Variants in CHRM3 observed in about 807,000 individuals in gnomAD.
The protein encoded by CHRM3 is muscarinic acetylcholine receptor M3.
A neutral mutation model predicts 41.8 loss-of-function variants in CHRM3; 11 were observed. The observed-to-expected ratio is 0.26, with a 90% CI of 0.17 to 0.44. The LOEUF is 0.44. Ranked by LOEUF, CHRM3 falls within the 20% of genes least tolerant of loss-of-function variation. The pLI, the probability that CHRM3 is intolerant of heterozygous loss-of-function variation, is 1.00. For synonymous variants in CHRM3, 297 were observed against 301.4 expected, an observed-to-expected ratio of 0.99 and a Z score of 0.15; for missense variants, 571 against 745.4, an observed-to-expected ratio of 0.77 and a Z score of 2.72.
intron 3 of CHRM3, among the ~76,000 whole-genome samples, chr1:239,585,522 G>A: frequency 6.6e-6 from 1 of 152,146 alleles, no homozygotes; most frequent in East Asian, 1.9e-4. Context: ...CTTTAATCAT[G>A]TTGTCATAAA....
At chr1:239,645,992 A>C in intron 4 of CHRM3, among the ~76,000 whole-genome samples, 1 of 152,198 alleles carries the variant, frequency 6.6e-6, no homozygotes, top group East Asian at 1.9e-4. Flanking sequence ...AAAGCATAAC[A>C]TTTGTACTAA....
intron 5 of CHRM3, among the ~76,000 whole-genome samples, chr1:239,805,468 A>G (rs1196978140): frequency 1.3e-5 from 2 of 152,200 alleles, no homozygotes; most frequent in East Asian, 3.9e-4. Context: ...TATTATACAT[A>G]GACAAGTGGA....
intron 5 of CHRM3, among the ~76,000 whole-genome samples, chr1:239,752,536 A>G (rs1212926172): frequency 1.3e-5 from 2 of 152,224 alleles, no homozygotes; most frequent in African/African-American, 4.8e-5. Context: ...ATAGAATTAC[A>G]TAATATTAGC....
intron 5 of CHRM3, among the ~76,000 whole-genome samples, chr1:239,740,556 C>T (rs1003262199): frequency 8.6e-5 from 13 of 151,780 alleles, no homozygotes; most frequent in African/African-American, 3.1e-4. Flanking sequence ...CACCGATCAA[C>T]CCATCATCTA....
intron 4 of CHRM3, among the ~76,000 whole-genome samples, chr1:239,660,465 A>G: frequency 6.6e-6 from 1 of 152,188 alleles, no homozygotes; most frequent in East Asian, 1.9e-4. Context: ...GCTTCCACAG[A>G]CCGTATAAGT....
chr1:239,551,081 C>G (rs961338493), intron 3 of CHRM3, among the ~76,000 whole-genome samples: 20 of 147,834 alleles, frequency 1.4e-4, no homozygotes, highest in African/African-American at 4.8e-4. Flanking sequence ...TTCATATGAC[C>G]AAGGAAGTCC....
chr1:239,501,373 A>T (rs1481433017), intron 2 of CHRM3, among the ~76,000 whole-genome samples: 1 of 152,252 alleles, frequency 6.6e-6, no homozygotes, highest in African/African-American at 2.4e-5. Context: ...ACCATATGAT[A>T]GGCTATAAAA....
chr1:239,521,941 C>T (rs1669674234), intron 2 of CHRM3, among the ~76,000 whole-genome samples: 1 of 152,152 alleles, frequency 6.6e-6, no homozygotes. Flanking sequence ...ATATAAGGGA[C>T]ATGAGCATCC....
At chr1:239,428,997 G>C (rs1346435714) in intron 1 of CHRM3, among the ~76,000 whole-genome samples, 1 of 152,108 alleles carries the variant, frequency 6.6e-6, no homozygotes, top group African/African-American at 2.4e-5. Flanking sequence ...TTCACTTTTA[G>C]AAATATACAC....
chr1:239,568,334 G>C (rs1171137380), intron 3 of CHRM3, among the ~76,000 whole-genome samples: 1 of 152,074 alleles, frequency 6.6e-6, no homozygotes, highest in Non-Finnish European at 1.5e-5. Context: ...TACTATTCTT[G>C]TCTTAGTGAG....
At chr1:239,867,921 G>T (rs963566053) in intron 6 of CHRM3, among the ~76,000 whole-genome samples, 1 of 152,082 alleles carries the variant, frequency 6.6e-6, no homozygotes, top group Admixed American at 6.5e-5. Flanking sequence ...GATTTCTCCT[G>T]ATGATCAGTA....
chr1:239,425,753 G>C (rs1662320481), intron 1 of CHRM3, among the ~76,000 whole-genome samples: 1 of 151,990 alleles, frequency 6.6e-6, no homozygotes, highest in Non-Finnish European at 1.5e-5. Context: ...GATGCCCCTG[G>C]ATTTCTTTAT....
chr1:239,539,609 T>C (rs1286555914), intron 2 of CHRM3, among the ~76,000 whole-genome samples: 11 of 152,184 alleles, frequency 7.2e-5, no homozygotes, highest in Admixed American at 7.2e-4. Context: ...TCTTCTAAGA[T>C]TATACTACTA....
chr1:239,700,073 TC>T (rs1261686532), intron 5 of CHRM3, among the ~76,000 whole-genome samples: 1 of 152,144 alleles, frequency 6.6e-6, no homozygotes, highest in African/African-American at 2.4e-5. Context: ...TAATTTTTTT[TC>T]ATGGAAGAAA....
chr1:239,766,440 G>T (rs1427037785), intron 5 of CHRM3, among the ~76,000 whole-genome samples: 1 of 150,660 alleles, frequency 6.6e-6, no homozygotes, highest in Non-Finnish European at 1.5e-5. Flanking sequence ...CTTAATACCT[G>T]CATGATGAAA....
At chr1:239,582,768 G>C (rs1663017348) in intron 3 of CHRM3, among the ~76,000 whole-genome samples, 1 of 152,064 alleles carries the variant, frequency 6.6e-6, no homozygotes, top group Admixed American at 6.6e-5. Flanking sequence ...CCCTACAGAA[G>C]GCATTCTTCA....
intron 4 of CHRM3, among the ~76,000 whole-genome samples, chr1:239,666,159 T>A (rs1411772855): frequency 6.6e-6 from 1 of 150,852 alleles, no homozygotes; most frequent in African/African-American, 2.4e-5. Context: ...TTCCTATTTC[T>A]CCACATCCTC....
chr1:239,740,124 TCACTTCCTGTCATACAACCTTC>T (rs943514246), intron 5 of CHRM3, among the ~76,000 whole-genome samples: 70 of 152,226 alleles, frequency 4.6e-4, no homozygotes, highest in Non-Finnish European at 6.5e-4. Flanking sequence ...TCTTGCAAGG[TCACTTCCTGTCATACAACCTTC>T]CACTTCCTGT....
At chr1:239,440,529 G>T (rs566583283) in intron 1 of CHRM3, among the ~76,000 whole-genome samples, 1 of 152,154 alleles carries the variant, frequency 6.6e-6, no homozygotes, top group Non-Finnish European at 1.5e-5. Flanking sequence ...TAGGCTGCTG[G>T]TCTTAGACAA....
Sources: gnomAD v4.1 joint callset for allele counts (sites outside exome capture counted in the v4.1 genomes callset) on GRCh38, gnomAD v4.1.1 for gene constraint, MANE v1.5 for transcripts, NCBI Gene and HGNC (gene_info 2026-07-23, HGNC 2026-07-21) for gene names.